FHIT: variants seen among roughly 807,000 people sequenced by gnomAD.
FHIT encodes fragile histidine triad diadenosine triphosphatase.
FHIT carries 19 observed loss-of-function variants against 17.9 expected under a neutral mutation model. That is an observed-to-expected ratio of 1.06 (90% CI 0.74 to 1.56). The LOEUF (loss-of-function observed/expected upper bound fraction) is 1.56. FHIT is among the 40% of genes most tolerant of loss of function. FHIT has a pLI of 0.00. For synonymous variants in FHIT, 81 were observed against 69.7 expected (o/e 1.16, Z -0.81); for missense variants, 248 against 189.2 (o/e 1.31, Z -1.82).
At chr3:60,831,699 A>G (rs1702335165) in intron 3 of FHIT, among the ~76,000 whole-genome samples, 1 of 152,012 alleles carries the variant, frequency 6.6e-6, no homozygotes, top group Non-Finnish European at 1.5e-5. Context: ...CATCCTAACA[A>G]CCTATGAGGG....
chr3:61,140,914 C>T (rs1560014533), intron 2 of FHIT, among the ~76,000 whole-genome samples: 1 of 152,128 alleles, frequency 6.6e-6, no homozygotes, highest in Admixed American at 6.5e-5. Flanking sequence ...GTCTTGAATA[C>T]ATACGGAATC....
At chr3:60,604,504 A>G (rs1364108638) in intron 4 of FHIT, among the ~76,000 whole-genome samples, 3 of 152,224 alleles carry the variant, frequency 2.0e-5, no homozygotes, top group Non-Finnish European at 2.9e-5. Flanking sequence ...CCCAAAAGGA[A>G]AGGTTTTAAG....
At chr3:61,209,685 G>C (rs2039389712) in intron 1 of FHIT, among the ~76,000 whole-genome samples, 1 of 152,120 alleles carries the variant, frequency 6.6e-6, no homozygotes, top group Non-Finnish European at 1.5e-5. Flanking sequence ...GGACTTCTGT[G>C]CATTGGTTAT....
chr3:59,796,963 C>T (rs1699801751), intron 8 of FHIT, among the ~76,000 whole-genome samples: 1 of 152,174 alleles, frequency 6.6e-6, no homozygotes, highest in African/African-American at 2.4e-5. Flanking sequence ...AAATTTTACT[C>T]TCCTTCCTTT....
chr3:60,318,829 T>G (rs1013987042), intron 5 of FHIT, among the ~76,000 whole-genome samples: 1 of 152,248 alleles, frequency 6.6e-6, no homozygotes, highest in African/African-American at 2.4e-5. Flanking sequence ...TCAGTTTCAC[T>G]GAGCTAAAGT....
intron 4 of FHIT, among the ~76,000 whole-genome samples, chr3:60,792,951 A>C (rs1553729014): frequency 6.6e-6 from 1 of 152,046 alleles, no homozygotes; most frequent in African/African-American, 2.4e-5. Flanking sequence ...GTCTTCAAGT[A>C]AGTACAGGAA....
intron 1 of FHIT, among the ~76,000 whole-genome samples, chr3:61,225,541 C>T (rs1279944441): frequency 2.0e-5 from 3 of 152,154 alleles, no homozygotes; most frequent in African/African-American, 2.4e-5. Context: ...ATGAAAGTTC[C>T]ATCAAAGCTT....
At chr3:61,002,522 A>G (rs377582450) in intron 3 of FHIT, among the ~76,000 whole-genome samples, 14 of 152,236 alleles carry the variant, frequency 9.2e-5, no homozygotes, top group African/African-American at 2.9e-4. Context: ...TCGGCCTCCC[A>G]AAGTGCTGTG....
At chr3:60,223,112 A>T (rs1704037572) in intron 5 of FHIT, among the ~76,000 whole-genome samples, 1 of 152,186 alleles carries the variant, frequency 6.6e-6, no homozygotes, top group Admixed American at 6.5e-5. Flanking sequence ...TGGATCAGAG[A>T]TGAAGGAAGA....
intron 4 of FHIT, among the ~76,000 whole-genome samples, chr3:60,743,353 A>C (rs1223504981): frequency 6.6e-6 from 1 of 152,222 alleles, no homozygotes; most frequent in Non-Finnish European, 1.5e-5. Flanking sequence ...TGAGTCTCCT[A>C]GGGATGCAGG....
At chr3:60,993,069 A>G (rs892999729) in intron 3 of FHIT, among the ~76,000 whole-genome samples, 1 of 152,214 alleles carries the variant, frequency 6.6e-6, no homozygotes, top group African/African-American at 2.4e-5. Context: ...TTTTATGGCC[A>G]TATCATCACA....
rs1184480506 is a variant in FHIT at position 60,124,031 on chromosome 3, GAGAGAGAGAGAGAGAGAGAGAGAGAC to G, written c.104-109905_104-109880del. On this transcript the variant is annotated intron_variant, in intron 5 of 9. Transcript: ENST00000492590. ...ATATAGAGAGAGAGAGAGAGAGAGA[GAGAGAGAGAGAGAGAGAGAGAGAGAC>G]AGAGAGAGAGAGAGATACAAAGTCT... 8.4e-5 allele frequency among the ~76,000 whole-genome samples: 9 copies of G among 107,724 alleles called. 1 individual carries two copies. Among genetic ancestry groups the G allele is most frequent in the Non-Finnish European group, 1.4e-4 (7 of 51,314 alleles). The allele number at this position is 107,724 out of a possible 152,430, so 70.7% of individuals were successfully genotyped here.
rs1018007512 is a variant in FHIT, at chr3:59,972,093, T to C, written c.279+39278A>G. Among the ~76,000 whole-genome samples the C allele has an allele frequency of 5.9e-5, 9 of 152,098 alleles. No individual in the cohort carries two copies. In the East Asian group the frequency reaches 1.7e-3, roughly 29 times the overall value. On this transcript the variant is annotated intron_variant, in intron 7 of 9. Transcript: ENST00000492590. ...ACTACACATATGAGATGCTCCATCATTATGTAACTCATGGACCAGCTAGCA... is the reference window on the plus strand; with the variant it reads ...ACTACACATATGAGATGCTCCATCACTATGTAACTCATGGACCAGCTAGCA...
At chr3:60,195,083 T>G (rs1324834092) in intron 5 of FHIT, among the ~76,000 whole-genome samples, 1 of 152,072 alleles carries the variant, frequency 6.6e-6, no homozygotes, top group African/African-American at 2.4e-5. Flanking sequence ...GGAGAATCAC[T>G]TGAACCCAGA....
intron 5 of FHIT, among the ~76,000 whole-genome samples, chr3:60,353,713 G>C (rs753726996): frequency 8.6e-5 from 13 of 151,948 alleles, no homozygotes; most frequent in Admixed American, 5.3e-4. Context: ...AAATGATACA[G>C]AATAGCCAAT....
chr3:60,222,767 G>C (rs1251542912), intron 5 of FHIT, among the ~76,000 whole-genome samples: 1 of 152,156 alleles, frequency 6.6e-6, no homozygotes, highest in Admixed American at 6.5e-5. Flanking sequence ...ATGGTGTGGT[G>C]GCACACGCCT....
At chr3:60,979,723 C>T (rs1710411031) in intron 3 of FHIT, among the ~76,000 whole-genome samples, 1 of 152,168 alleles carries the variant, frequency 6.6e-6, no homozygotes, top group South Asian at 2.1e-4. Flanking sequence ...AGAATCATTG[C>T]TCATTCAGGG....
At chr3:60,411,626 G>T (rs1702063757) in intron 5 of FHIT, among the ~76,000 whole-genome samples, 1 of 152,100 alleles carries the variant, frequency 6.6e-6, no homozygotes, top group Non-Finnish European at 1.5e-5. Context: ...CAAATGACAG[G>T]GAGGATGTTG....
Position 61,032,945 on chromosome 3 carries a change from A to G in FHIT, c.-111+9102T>C, listed in dbSNP as rs144255109. 1.8e-3 allele frequency among the ~76,000 whole-genome samples: 268 copies of G among 152,334 alleles called. 7 individuals are homozygous for G. In the East Asian group the frequency reaches 0.048, roughly 27 times the overall value. On this transcript the variant is annotated intron_variant, in intron 3 of 9. Coordinates refer to ENST00000492590, the MANE Select transcript of FHIT (RefSeq NM_002012.4). The stretch of plus-strand genomic sequence containing the variant: ...TCAATAGTGTAAGTCCCTTTGGATC[A>G]AAGGCCCAAGATACAGGAGCTCTGA...
Sources: gnomAD v4.1 joint callset for allele counts (sites outside exome capture counted in the v4.1 genomes callset) on GRCh38, gnomAD v4.1.1 for gene constraint, MANE v1.5 for transcripts, NCBI Gene and HGNC (gene_info 2026-07-23, HGNC 2026-07-21) for gene names.